Variants in GATAD1 observed in about 807,000 individuals in gnomAD.
GATAD1 encodes GATA zinc finger domain-containing protein 1.
In GATAD1, 12 loss-of-function variants were observed where a neutral mutation model predicts 26.5. The observed-to-expected ratio is 0.45, with a 90% confidence interval of 0.29 to 0.73. The LOEUF is 0.73. GATAD1 is among the 30% of genes least tolerant of loss of function. The pLI is 0.10. For missense variants in GATAD1, 266 were observed against 342.1 expected, an observed-to-expected ratio of 0.78 and a Z score of 1.75; for synonymous variants, 129 against 133.1, an observed-to-expected ratio of 0.97 and a Z score of 0.21.
chr7:92,480,352 T>C, the GATAD1 span, among the ~76,000 whole-genome samples: 1 of 152,060 alleles, frequency 6.6e-6, no homozygotes, highest in Non-Finnish European at 1.5e-5. Flanking sequence ...GGCATGTGAG[T>C]AAAGTCAATT....
chr7:92,449,805 T>A (rs1182619055), intron 2 of GATAD1: 1 of 161,894 alleles, frequency 6.2e-6, no homozygotes, highest in South Asian at 2.0e-4. Context: ...TATCAACCCA[T>A]CATCTAGGTT....
At chr7:92,466,682 C>T in the GATAD1 span, among the ~76,000 whole-genome samples, 1 of 152,198 alleles carries the variant, frequency 6.6e-6, no homozygotes. Context: ...CAAGCAGGTA[C>T]AGCCCATTAC....
Position 92,459,979 on chromosome 7 carries a change from G to A in GATAD1, c.*3417G>A, listed in dbSNP as rs544377780. 9.8e-5 allele frequency among the ~76,000 whole-genome samples: 15 copies of A among 152,296 alleles called. No individual in the cohort carries two copies. The highest frequency in any genetic ancestry group is 3.6e-4 in the African/African-American group (15 of 41,578). ...TTACATTCTGGGTTAGTATTAGATT[G>A]TTTTTAAGATTGTTTTAAACAAGAT... On this transcript the variant is annotated 3_prime_UTR_variant, in exon 5 of 5. Coordinates refer to ENST00000287957, the MANE Select transcript of GATAD1 (RefSeq NM_021167.5).
intron 3 of GATAD1, among the ~76,000 whole-genome samples, chr7:92,453,379 C>T (rs1789522635): frequency 6.6e-6 from 1 of 152,222 alleles, no homozygotes; most frequent in Admixed American, 6.5e-5. Context: ...AGATTATTTC[C>T]AGCTCAAGAC....
intron 2 of GATAD1, chr7:92,449,175 G>GAA: frequency 9.4e-7 from 1 of 1,065,196 alleles, no homozygotes; most frequent in Non-Finnish European, 1.1e-6. Flanking sequence ...GTTCTCTATG[G>GAA]AAAGGAAGAG....
the GATAD1 span, chr7:92,493,193 G>A: frequency 2.2e-6 from 2 of 929,616 alleles, no homozygotes; most frequent in Non-Finnish European, 3.3e-6. Context: ...CTTAAATTGT[G>A]TATCTTATGA....
intron 3 of GATAD1, among the ~76,000 whole-genome samples, chr7:92,450,978 A>G (rs1008006964): frequency 6.6e-6 from 1 of 152,204 alleles, no homozygotes; most frequent in Non-Finnish European, 1.5e-5. Context: ...CTGACACATG[A>G]TGTGAGGATC....
chr7:92,494,712 T>G, the GATAD1 span: 2 of 1,024,346 alleles, frequency 2.0e-6, no homozygotes, highest in South Asian at 3.1e-5. Context: ...TGAATGTATT[T>G]ATTTTATGTA....
chr7:92,468,840 G>A, the GATAD1 span: 1 of 764,380 alleles, frequency 1.3e-6, no homozygotes, highest in Non-Finnish European at 2.4e-6. Context: ...TGCCTTTGAT[G>A]TCATTAACAT....
chr7:92,463,944 G>C (rs1216633066), downstream of GATAD1, among the ~76,000 whole-genome samples: 1 of 152,126 alleles, frequency 6.6e-6, no homozygotes, highest in Non-Finnish European at 1.5e-5. Flanking sequence ...CTCCAGCCTG[G>C]GGGACAGAGC....
chr7:92,480,786 T>G, the GATAD1 span, among the ~76,000 whole-genome samples: 1 of 152,068 alleles, frequency 6.6e-6, no homozygotes, highest in Non-Finnish European at 1.5e-5. Context: ...CCTAGAGTAA[T>G]GGGATCTGAC....
At chr7:92,449,586 C>T (rs1266687223) in intron 2 of GATAD1, 15 of 978,916 alleles carry the variant, frequency 1.5e-5, no homozygotes, top group Non-Finnish European at 1.7e-5. Flanking sequence ...TTCACTTACC[C>T]GTAAAGACGT....
At position 92,459,156 on chromosome 7, in the gene GATAD1, G is replaced by GC. The variant is rs1017498840; in HGVS notation, c.*2595dup. On this transcript the variant is annotated 3_prime_UTR_variant, in exon 5 of 5. Transcript: ENST00000287957. ...CAGGAGAATCGCTGGAACTCAGGAG[G>GC]CAGAGACTGCAGTGAGCCGAGATCG... 1 of 150,884 alleles carries GC rather than the reference G, an allele frequency of 6.6e-6. No individual in the cohort carries two copies. The highest frequency in any genetic ancestry group is 1.5e-5 in the Non-Finnish European group (1 of 67,920). The allele number at this position is 150,884 out of a possible 1,614,324, so 9.3% of individuals were successfully genotyped here.
chr7:92,464,953 A>G (rs971917017), downstream of GATAD1: 1 of 152,236 alleles, frequency 6.6e-6, no homozygotes, highest in Admixed American at 6.5e-5. Flanking sequence ...GATTTTGTGA[A>G]TAAAGCTTGT....
the GATAD1 span, among the ~76,000 whole-genome samples, chr7:92,492,066 G>C: frequency 6.6e-6 from 1 of 152,188 alleles, no homozygotes; most frequent in African/African-American, 2.4e-5. Flanking sequence ...AATATCTACT[G>C]TAAATATTAA....
chr7:92,447,610 T>TG lies in GATAD1; in HGVS notation c.-119dup. On this transcript the variant is annotated 5_prime_UTR_variant, in exon 1 of 5. Transcript: ENST00000287957. ...CCTGGTCCTTTCACCGGCAGCTCCG[T>TG]GCCGACGCTCTCACCGCTCTTCCTA... is the stretch of plus-strand genomic sequence containing the variant. The TG allele has an allele frequency of 7.8e-7, 1 of 1,279,186 alleles. No homozygotes were observed. Among genetic ancestry groups the TG allele is most frequent in the Non-Finnish European group, 1.0e-6 (1 of 1,002,114 alleles). 79.2% of individuals were successfully genotyped at this position (1,279,186 alleles called of 1,614,324 possible).
chr7:92,492,089 G>A, the GATAD1 span, among the ~76,000 whole-genome samples: 1 of 152,114 alleles, frequency 6.6e-6, no homozygotes. Flanking sequence ...TCATAATACT[G>A]TCTTTAGAGA....
the GATAD1 span, among the ~76,000 whole-genome samples, chr7:92,481,878 G>A: frequency 7.9e-5 from 12 of 152,188 alleles, no homozygotes; most frequent in Admixed American, 2.6e-4. Flanking sequence ...AGTTGGAGAC[G>A]CAATTGGCAG....
intron 4 of GATAD1, 109 bp from the exon 5 acceptor site, chr7:92,456,263 C>A: frequency 3.4e-6 from 2 of 589,874 alleles, no homozygotes; most frequent in South Asian, 5.1e-5. Context: ...GGGCTAATGC[C>A]AGGTTGCTCC....
Sources: allele counts gnomAD v4.1 joint callset (sites outside exome capture counted in the v4.1 genomes callset), GRCh38; gene constraint gnomAD v4.1.1; transcripts MANE v1.5; gene names NCBI Gene and HGNC (gene_info 2026-07-23, HGNC 2026-07-21).